FCRL6: variants seen among roughly 807,000 people sequenced by gnomAD.
The protein encoded by FCRL6 is Fc receptor like 6.
Under a neutral mutation model 49.1 loss-of-function variants are expected in FCRL6, and 50 were observed. The observed-to-expected ratio is 1.02, with a 90% CI of 0.81 to 1.29. FCRL6 has a LOEUF of 1.29. Among genes scored for constraint, FCRL6 ranks in the 50% most tolerant of loss-of-function variants. The pLI is 0.00. For missense variants in FCRL6, 571 were observed against 518.5 expected, an observed-to-expected ratio of 1.10 and a Z score of -0.98; for synonymous variants, 213 against 199.6, an observed-to-expected ratio of 1.07 and a Z score of -0.57.
At position 159,815,466 on chromosome 1, in the gene FCRL6, TGG is replaced by T. The variant is rs778581019; in HGVS notation, c.1179+9_1179+10del. 8.9e-5 allele frequency: 143 copies of T among 1,613,924 alleles called. 2 individuals are homozygous for T. In the Admixed American group the frequency reaches 1.3e-3, roughly 15 times the overall value. The stretch of plus-strand genomic sequence containing the variant: ...GTTCACCGTGGGGAGAAAGGTGAGC[TGG>T]GATCCCTGCTCCTTTCTCACCCTCT... On this transcript the variant is annotated splice_region_variant and intron_variant, in intron 9 of 9. Transcript: ENST00000368106.
chr1:159,803,001 G>A (rs1417376913), intron 1 of FCRL6, among the ~76,000 whole-genome samples: 2 of 152,226 alleles, frequency 1.3e-5, no homozygotes, highest in East Asian at 3.8e-4. Flanking sequence ...AAAGGCCTGT[G>A]CTCTGAGTAA....
rs747660844 is a variant in FCRL6, at chr1:159,809,079, T to C, written c.438T>C (p.Leu146=). The change falls in exon 4 of 10, where the codon CTT becomes CTC. Residue 146 remains leucine, a synonymous_variant. Transcript: ENST00000368106. Reference sequence around the variant, plus strand: ...CCCTGAGGTCAGCCTTGAGGCTCCTTTTCTCCTTCCACAAGGACGGCCACA... The same window carrying C: ...CCCTGAGGTCAGCCTTGAGGCTCCTCTTCTCCTTCCACAAGGACGGCCACA... The part of the protein sequence containing the change: ...LHPLRSALRL[L]FSFHKDGHTL... The C allele has an allele frequency of 1.2e-5, 20 of 1,613,974 alleles. No individual in the cohort carries two copies. The highest frequency in any genetic ancestry group is 1.7e-4 in the Middle Eastern group (1 of 6,060).
chr1:159,815,637 C>T lies in FCRL6; in HGVS notation c.1281C>T (p.Ser427=), dbSNP rs140105569. 2,754 of 1,614,106 alleles carry T rather than the reference C, an allele frequency of 1.7e-3. 20 individuals carry two copies. The highest frequency in any genetic ancestry group is 0.012 in the South Asian group (1,061 of 91,078). The change falls in exon 10 of 10, where the codon AGC becomes AGT. Residue 427 remains serine, a synonymous_variant. Coordinates refer to ENST00000368106, the MANE Select transcript of FCRL6 (RefSeq NM_001004310.3). ...GCAGGACTCTCCAAGAACCCCTTAG[C>T]GACTGTGAGGAGGTTCTCTGCTAGT... ...MRSRTLQEPL[S]DCEEVLC
At position 159,809,460 on chromosome 1, in the gene FCRL6, G is replaced by A. The variant is rs745916245; in HGVS notation, c.663G>A (p.Gly221=). ...ACGGGCCTGCTGACCCTGCTGTGGG[G>A]GACATGGTGCAGCTCCTCTGTGAGG... ...LHHGPADPAV[G]DMVQLLCEAQ... The change falls in exon 5 of 10, where the codon GGG becomes GGA. Residue 221 remains glycine (G), a synonymous_variant. Transcript: ENST00000368106. 17 of 1,613,940 alleles carry A rather than the reference G, an allele frequency of 1.1e-5. No homozygotes were observed. The highest frequency in any genetic ancestry group is 1.3e-5 in the Non-Finnish European group (15 of 1,179,888).
At chr1:159,812,063 A>G (rs993517469) in intron 6 of FCRL6, among the ~76,000 whole-genome samples, 7 of 152,222 alleles carry the variant, frequency 4.6e-5, no homozygotes, top group Non-Finnish European at 7.3e-5. Context: ...CATCCTCTTG[A>G]TGTAGAGATT....
intron 1 of FCRL6, among the ~76,000 whole-genome samples, chr1:159,804,197 T>G (rs1040671243): frequency 1.3e-5 from 2 of 152,212 alleles, no homozygotes; most frequent in African/African-American, 4.8e-5. Context: ...AGCTTGGCAC[T>G]GCAGCCTGTT....
At chr1:159,812,031 C>G (rs1663115953) in intron 6 of FCRL6, among the ~76,000 whole-genome samples, 1 of 152,174 alleles carries the variant, frequency 6.6e-6, no homozygotes, top group Non-Finnish European at 1.5e-5. Context: ...GAACAAGATA[C>G]CTTTCACAGG....
At chr1:159,811,995 A>G (rs1386815343) in intron 6 of FCRL6, among the ~76,000 whole-genome samples, 1 of 152,238 alleles carries the variant, frequency 6.6e-6, no homozygotes, top group Non-Finnish European at 1.5e-5. Flanking sequence ...ATGGTGAAAG[A>G]GTGGTCACTA....
chr1:159,808,341 A>G lies in FCRL6; in HGVS notation c.216A>G (p.Ala72=), dbSNP rs765945746. Reference sequence around the variant, plus strand: ...AAAACCAGACTCTGTCCATGGGAGCAGCAACAGTGCAGAGCCGTGGCCAGT... The same window carrying G: ...AAAACCAGACTCTGTCCATGGGAGCGGCAACAGTGCAGAGCCGTGGCCAGT... ...SKENQTLSMG[A]ATVQSRGQYS... Residue 72 remains alanine (A), a synonymous_variant, in exon 3 of 10, where the codon GCA becomes GCG. Transcript: ENST00000368106. 1.9e-6 allele frequency: 3 copies of G among 1,614,248 alleles called. No homozygotes were observed. The Admixed American group carries it at 5.0e-5, about 27-fold the overall frequency.
chr1:159,805,378 T>C (rs903115476), intron 1 of FCRL6, among the ~76,000 whole-genome samples: 1 of 151,994 alleles, frequency 6.6e-6, no homozygotes, highest in Non-Finnish European at 1.5e-5. Context: ...TTTTTTGGTG[T>C]TATGTAAAAT....
intron 5 of FCRL6, among the ~76,000 whole-genome samples, 189 bp downstream of exon 5, chr1:159,809,872 G>A (rs928542578): frequency 6.6e-6 from 1 of 152,138 alleles, no homozygotes; most frequent in African/African-American, 2.4e-5. Flanking sequence ...AGTCCATGGA[G>A]AGTGGGGAGC....
Position 159,810,165 on chromosome 1 carries a change from A to G in FCRL6, c.958A>G (p.Met320Val), listed in dbSNP as rs1032507758. The change falls in exon 6 of 10, where the codon ATG becomes GTG. Residue 320 changes from methionine (M) to valine (V), a missense_variant. Transcript: ENST00000368106. Reference protein sequence around the residue: ...PWLPASLLGLMVIAAALLVYV... With the variant: ...PWLPASLLGLVVIAAALLVYV... ...GCTTCCTGCGAGCCTGCTTGGCCTGATGGTTATTGCTGCTGCACTTCTGGT... is the reference window on the plus strand; with the variant it reads ...GCTTCCTGCGAGCCTGCTTGGCCTGGTGGTTATTGCTGCTGCACTTCTGGT... The G allele has an allele frequency of 1.9e-6, 3 of 1,613,698 alleles. No individual in the cohort carries two copies. Among genetic ancestry groups the G allele is most frequent in the African/African-American group, 1.3e-5 (1 of 74,868 alleles).
At chr1:159,807,927 G>A (rs1008385836) in intron 2 of FCRL6, among the ~76,000 whole-genome samples, 1 of 151,868 alleles carries the variant, frequency 6.6e-6, no homozygotes, top group Non-Finnish European at 1.5e-5. Context: ...AGGAAAGAAG[G>A]GGAGGGGAAG....
In FCRL6 at chr1:159,802,468, G is replaced by T. The variant is rs1357535441; in HGVS notation, c.31+13G>T. ...GTGCTGCTCTTTGGTAAGTCAACGA[G>T]CATGGGCATCCCCTCTTGGAGCACT... On this transcript the variant is annotated intron_variant, in intron 1 of 9. Coordinates refer to ENST00000368106, the MANE Select transcript of FCRL6 (RefSeq NM_001004310.3). 1 of 1,612,058 alleles carries T rather than the reference G, an allele frequency of 6.2e-7. No homozygotes were observed. The highest frequency in any genetic ancestry group is 8.5e-7 in the Non-Finnish European group (1 of 1,178,578).
Sources: gnomAD v4.1 joint callset for allele counts (sites outside exome capture counted in the v4.1 genomes callset) on GRCh38, gnomAD v4.1.1 for gene constraint, MANE v1.5 for transcripts, NCBI Gene and HGNC (gene_info 2026-07-23, HGNC 2026-07-21) for gene names.